Variants in PCNP observed in about 807,000 individuals in gnomAD.
The protein encoded by PCNP is PEST proteolytic signal-containing nuclear protein.
PCNP carries 6 observed loss-of-function variants against 21.8 expected under a neutral mutation model. The observed-to-expected ratio is 0.28, with a 90% CI of 0.15 to 0.54. The LOEUF is 0.54. PCNP is among the 20% of genes least tolerant of loss of function. The probability of loss-of-function intolerance (pLI) is 0.95; values close to 1 mark genes in which losing one functional copy is unlikely to be tolerated. For synonymous variants in PCNP, 67 were observed against 73.2 expected (o/e 0.92, Z 0.43); for missense variants, 161 against 215.5 (o/e 0.75, Z 1.58).
chr3:101,578,698 T>G (rs1182568353), intron 1 of PCNP, among the ~76,000 whole-genome samples: 2 of 152,264 alleles, frequency 1.3e-5, no homozygotes, highest in Non-Finnish European at 2.9e-5. Context: ...CTATAGCCTC[T>G]GATCTTTTAA....
At chr3:101,576,835 C>G in intron 1 of PCNP, 1 of 1,609,578 alleles carries the variant, frequency 6.2e-7, no homozygotes, top group Non-Finnish European at 8.5e-7. Context: ...AGCATATCTT[C>G]GGCCCACACC....
Position 101,576,544 on chromosome 3 carries a change from T to G in PCNP, c.64+2265T>G. On this transcript the variant is annotated intron_variant, in intron 1 of 4. Transcript: ENST00000265260. ...GCCACGGCGGCCAGTGGTCTTGGTG[T>G]GCTGGCCTCGGACACGAAGGCCCCA... is the stretch of plus-strand genomic sequence containing the variant. 4 of 1,610,824 alleles carry G rather than the reference T, an allele frequency of 2.5e-6. No individual in the cohort carries two copies. The South Asian group carries it at 4.4e-5, about 18-fold the overall frequency.
chr3:101,574,148 A>G, upstream of PCNP: 5 of 1,522,000 alleles, frequency 3.3e-6, no homozygotes, highest in Non-Finnish European at 2.7e-6. Flanking sequence ...GGCCCCAAAA[A>G]CTCGATGGTT....
intron 1 of PCNP, among the ~76,000 whole-genome samples, chr3:101,578,622 A>G (rs765118468): frequency 1.3e-5 from 2 of 152,232 alleles, no homozygotes; most frequent in Non-Finnish European, 2.9e-5. Context: ...AACAGAATCA[A>G]ATGTTTTGTT....
chr3:101,591,261 TTAATG>T (rs755028803), intron 4 of PCNP, among the ~76,000 whole-genome samples: 8 of 152,268 alleles, frequency 5.3e-5, no homozygotes, highest in Non-Finnish European at 1.0e-4. Context: ...TTTGTGTGCA[TTAATG>T]GATAGCTTAG....
chr3:101,586,571 T>TGTGTGTGTGTGTGTGTGAGA lies in PCNP; in HGVS notation c.354+1061_354+1062insTGTGTGTGTGTGTGTGAGAG. 4.7e-3 allele frequency among the ~76,000 whole-genome samples: 536 copies of TGTGTGTGTGTGTGTGTGAGA among 114,188 alleles called. 5 individuals are homozygous for TGTGTGTGTGTGTGTGTGAGA. Among genetic ancestry groups the TGTGTGTGTGTGTGTGTGAGA allele is most frequent in the African/African-American group, 0.015 (510 of 32,938 alleles). The allele number at this position is 114,188 out of a possible 152,430, so 74.9% of individuals were successfully genotyped here. ...GTGTGTGTGTGTGTGTGTGTGTGTG[T>TGTGTGTGTGTGTGTGTGAGA]GAGAGAGAGAGAGAGAGAGTTTCTT... On this transcript the variant is annotated intron_variant, in intron 3 of 4. Transcript: ENST00000265260.
intron 3 of PCNP, 176 bp from the exon 4 acceptor site, chr3:101,590,039 C>CA: frequency 3.4e-6 from 2 of 582,798 alleles, no homozygotes; most frequent in Non-Finnish European, 6.2e-6. Flanking sequence ...CCGTAGAAGA[C>CA]AGGCATTTAT....
At chr3:101,584,061 T>G (rs1935370154) in intron 2 of PCNP, among the ~76,000 whole-genome samples, 1 of 152,014 alleles carries the variant, frequency 6.6e-6, no homozygotes, top group South Asian at 2.1e-4. Context: ...GAGAATTAAG[T>G]TTACTTAATA....
intron 3 of PCNP, chr3:101,590,001 A>G: frequency 2.0e-6 from 1 of 503,784 alleles, no homozygotes; most frequent in Non-Finnish European, 3.5e-6. Flanking sequence ...TTTTTTCAGC[A>G]GTTTTTTTTC....
rs1425389589 is a variant in PCNP at position 101,585,458 on chromosome 3, A to G, written c.301A>G (p.Thr101Ala). The G allele has an allele frequency of 7.5e-6, 12 of 1,604,688 alleles. No homozygotes were observed. The highest frequency in any genetic ancestry group is 1.3e-5 in the African/African-American group (1 of 74,646). Residue 101 changes from threonine to alanine, a missense_variant, in exon 3 of 5, where the codon ACT becomes GCT. By Grantham distance (58) the Thr-to-Ala change is moderately conservative. Coordinates refer to ENST00000265260, the MANE Select transcript of PCNP (RefSeq NM_020357.3). ...GSSKPKETVPTLAPKTLSVAA... is the reference protein window; with the variant it reads ...GSSKPKETVPALAPKTLSVAA... ...TCAGAAGCCTAAAGAAACTGTTCCA[A>G]CTCTTGCTCCAAAAACTCTTTCAGT...
intron 2 of PCNP, among the ~76,000 whole-genome samples, chr3:101,584,798 C>T (rs1455030752): frequency 5.9e-5 from 9 of 151,944 alleles, no homozygotes; most frequent in Non-Finnish European, 1.2e-4. Context: ...GTCAGGAGTT[C>T]AAGACCAGCC....
chr3:101,574,663 A>G (rs542201959), intron 1 of PCNP, among the ~76,000 whole-genome samples: 3 of 152,316 alleles, frequency 2.0e-5, no homozygotes, highest in East Asian at 1.9e-4. Flanking sequence ...CTCATGAGAC[A>G]TAACATACAC....
At chr3:101,579,731 T>A (rs1471292789) in intron 1 of PCNP, 59 bp from the exon 2 acceptor site, 1 of 1,165,424 alleles carries the variant, frequency 8.6e-7, no homozygotes, top group Non-Finnish European at 1.3e-6. Context: ...AGGTTGCTGC[T>A]CCCATCAATC....
At chr3:101,578,682 CT>C (rs1935058963) in intron 1 of PCNP, among the ~76,000 whole-genome samples, 1 of 152,182 alleles carries the variant, frequency 6.6e-6, no homozygotes, top group Non-Finnish European at 1.5e-5. Context: ...CTGTATAGAT[CT>C]ATATCTATAG....
chr3:101,576,603 C>T, intron 1 of PCNP: 5 of 1,611,270 alleles, frequency 3.1e-6, no homozygotes, highest in South Asian at 1.1e-5. Flanking sequence ...CCCGAATCTT[C>T]TTCAGTCGCT....
chr3:101,585,443 A>G lies in PCNP; in HGVS notation c.286A>G (p.Lys96Glu). 1 of 1,586,922 alleles carries G rather than the reference A, an allele frequency of 6.3e-7. No individual in the cohort carries two copies. Among genetic ancestry groups the G allele is most frequent in the Non-Finnish European group, 8.6e-7 (1 of 1,159,220 alleles). ...ISIKLGSSKP[K>E]ETVPTLAPKT... Reference sequence around the variant, plus strand: ...TAATATGTTTCTTCTTCAGAAGCCTAAAGAAACTGTTCCAACTCTTGCTCC... The same window carrying G: ...TAATATGTTTCTTCTTCAGAAGCCTGAAGAAACTGTTCCAACTCTTGCTCC... Residue 96 changes from lysine (K) to glutamate (E), a missense_variant, in exon 3 of 5, where the codon AAA becomes GAA. Lys to Glu is a moderately conservative substitution (Grantham distance 56). Coordinates refer to ENST00000265260, the MANE Select transcript of PCNP (RefSeq NM_020357.3).
At chr3:101,592,246 T>C (rs1935854683) in intron 4 of PCNP, among the ~76,000 whole-genome samples, 1 of 152,180 alleles carries the variant, frequency 6.6e-6, no homozygotes, top group Non-Finnish European at 1.5e-5. Context: ...TGATCTCGGC[T>C]CACTGCAACC....
intron 3 of PCNP, among the ~76,000 whole-genome samples, chr3:101,588,659 A>G (rs1935657212): frequency 6.6e-6 from 1 of 151,818 alleles, no homozygotes; most frequent in Admixed American, 6.6e-5. Context: ...AATTTGGACA[A>G]ATTCCTTAGT....
rs573979315 is a variant in PCNP, at chr3:101,579,732, C to G, written c.65-58C>G. 35 of 1,180,812 alleles carry G rather than the reference C, an allele frequency of 3.0e-5. No individual in the cohort carries two copies. In the African/African-American group the frequency reaches 4.2e-4, roughly 14 times the overall value. The allele number at this position is 1,180,812 out of a possible 1,614,324, so 73.1% of individuals were successfully genotyped here. ...AACGATGCTTTTTGAGGTTGCTGCT[C>G]CCATCAATCTGCTCAGTAAAAATAG... On this transcript the variant is annotated intron_variant, in intron 1 of 4. Coordinates refer to ENST00000265260, the MANE Select transcript of PCNP (RefSeq NM_020357.3).
Sources: gnomAD v4.1 joint callset for allele counts (sites outside exome capture counted in the v4.1 genomes callset) on GRCh38, gnomAD v4.1.1 for gene constraint, MANE v1.5 for transcripts, NCBI Gene and HGNC (gene_info 2026-07-23, HGNC 2026-07-21) for gene names.